Variants in NPHP1 observed in about 807,000 individuals in gnomAD.
The protein encoded by NPHP1 is nephrocystin 1, also known as nephrocystin-1.
NPHP1 carries 70 observed loss-of-function variants against 90.4 expected under a neutral mutation model. The observed-to-expected ratio is 0.77, with a 90% CI of 0.64 to 0.95. NPHP1 has a LOEUF of 0.95. Among genes scored for constraint, NPHP1 ranks in the 40% least tolerant of loss-of-function variants. The pLI, the probability that NPHP1 is intolerant of heterozygous loss-of-function variation, is 0.00. For synonymous variants in NPHP1, 256 were observed against 271.7 expected, an observed-to-expected ratio of 0.94 and a Z score of 0.57; for missense variants, 764 against 795.9, an observed-to-expected ratio of 0.96 and a Z score of 0.48.
At chr2:110,140,799 G>A (rs1016076771) in intron 16 of NPHP1, among the ~76,000 whole-genome samples, 4 of 152,052 alleles carry the variant, frequency 2.6e-5, no homozygotes, top group Admixed American at 2.6e-4. Context: ...GAACATCCAA[G>A]GGGGAAAAAA....
chr2:110,138,476 T>C (rs1680378197), intron 16 of NPHP1, among the ~76,000 whole-genome samples: 1 of 152,116 alleles, frequency 6.6e-6, no homozygotes, highest in Admixed American at 6.5e-5. Flanking sequence ...TTTTAAACTG[T>C]CTTTTTTCAA....
At chr2:110,129,339 G>C in intron 17 of NPHP1, 80 bp from the exon 18 acceptor site, 1 of 1,033,364 alleles carries the variant, frequency 9.7e-7, no homozygotes, top group Non-Finnish European at 1.5e-6. Flanking sequence ...AAAATATTCA[G>C]ATGAAAATTA....
At chr2:110,160,334 G>T in intron 10 of NPHP1, 79 bp from the exon 11 acceptor site, 1 of 1,173,666 alleles carries the variant, frequency 8.5e-7, no homozygotes, top group Non-Finnish European at 1.2e-6. Flanking sequence ...TTCGGCTTAT[G>T]AAAATGTATA....
At chr2:110,179,149 GAA>G (rs5833368) in intron 3 of NPHP1, among the ~76,000 whole-genome samples, 2 of 139,840 alleles carry the variant, frequency 1.4e-5, no homozygotes, top group Non-Finnish European at 1.6e-5. Context: ...AGGCTCATGT[GAA>G]AAAAAAAAAA....
chr2:110,193,472 A>T (rs894630256), intron 2 of NPHP1, among the ~76,000 whole-genome samples: 2 of 152,148 alleles, frequency 1.3e-5, no homozygotes, highest in Non-Finnish European at 2.9e-5. Context: ...CTAAATATAT[A>T]TGCACCCAAT....
intron 11 of NPHP1, among the ~76,000 whole-genome samples, chr2:110,152,198 T>C (rs1044627576): frequency 5.9e-5 from 9 of 152,080 alleles, no homozygotes; most frequent in African/African-American, 2.2e-4. Context: ...CTCGTGCCTG[T>C]AGTCTAACTA....
At chr2:110,150,026 A>G (rs755804569) in intron 12 of NPHP1, among the ~76,000 whole-genome samples, 156 bp downstream of exon 12, 8 of 152,210 alleles carry the variant, frequency 5.3e-5, no homozygotes, top group Non-Finnish European at 1.0e-4. Flanking sequence ...AACATTGGTG[A>G]GTCAGAAACA....
At chr2:110,131,094 A>ATT (rs1360831842) in intron 17 of NPHP1, among the ~76,000 whole-genome samples, 1 of 152,178 alleles carries the variant, frequency 6.6e-6, no homozygotes, top group African/African-American at 2.4e-5. Context: ...TTTGAAGGCA[A>ATT]TTACTATAAC....
intron 10 of NPHP1, 101 bp downstream of exon 10, chr2:110,161,502 G>GT: frequency 1.3e-6 from 1 of 791,320 alleles, no homozygotes; most frequent in Non-Finnish European, 2.1e-6. Context: ...CAATTTTTTT[G>GT]TTTTTTATAA....
rs140816414 is a variant in NPHP1, at chr2:110,162,128, C to T, written c.860-431G>A. Among the ~76,000 whole-genome samples, 136 of 152,180 alleles carry T rather than the reference C, an allele frequency of 8.9e-4. 1 individual carries two copies. The East Asian group carries it at 0.014, about 16-fold the overall frequency. On this transcript the variant is annotated intron_variant, in intron 9 of 19. Coordinates refer to ENST00000445609, the MANE Select transcript of NPHP1 (RefSeq NM_001128178.3). ...CTTTTAATAACATCATTTATCCATT[C>T]GAGAAATAATTTTTGAGCTTCTACT...
chr2:110,159,637 G>T (rs112097279), intron 11 of NPHP1, among the ~76,000 whole-genome samples: 1 of 151,948 alleles, frequency 6.6e-6, no homozygotes, highest in African/African-American at 2.4e-5. Context: ...CTATTTCCAT[G>T]TCAGATGTTA....
At position 110,144,523 on chromosome 2, in the gene NPHP1, T is replaced by A. The variant is rs760440272; in HGVS notation, c.1399A>T (p.Ile467Phe). The A allele has an allele frequency of 6.2e-7, 1 of 1,607,204 alleles. No individual in the cohort carries two copies. Among genetic ancestry groups the A allele is most frequent in the Non-Finnish European group, 8.5e-7 (1 of 1,173,858 alleles). ...CTGGATATTGAAGGGTCCACTTCAA[T>A]ACCTTTTTCATAAGGAGTACCACCA... ...LNGGTPYEKG[I>F]EVDPSISRRA... Residue 467 changes from isoleucine to phenylalanine, a missense_variant, in exon 15 of 20, where the codon ATT (isoleucine) becomes TTT (phenylalanine). Ile to Phe is a conservative substitution (Grantham distance 21). Coordinates refer to ENST00000445609, the MANE Select transcript of NPHP1 (RefSeq NM_001128178.3).
chr2:110,130,501 T>G (rs1010055996), intron 17 of NPHP1, among the ~76,000 whole-genome samples: 4 of 152,142 alleles, frequency 2.6e-5, no homozygotes, highest in African/African-American at 9.7e-5. Flanking sequence ...GTCCTCCCCC[T>G]TAGAGTTATA....
chr2:110,151,902 G>C lies in NPHP1; in HGVS notation c.1084-1646C>G, dbSNP rs115018607. On this transcript the variant is annotated intron_variant, in intron 11 of 19. Transcript: ENST00000445609. ...CCTCTGCTTTTATCTTTTCAATTTG[G>C]AGAATCCTAATTTTGAAGTTTGGAA... Among the ~76,000 whole-genome samples, 432 of 152,130 alleles carry C rather than the reference G, an allele frequency of 2.8e-3. 2 individuals carry two copies. Among genetic ancestry groups the C allele is most frequent in the African/African-American group, 9.9e-3 (409 of 41,516 alleles).
At chr2:110,149,394 A>T (rs1340796741) in intron 12 of NPHP1, among the ~76,000 whole-genome samples, 2 of 152,150 alleles carry the variant, frequency 1.3e-5, no homozygotes, top group East Asian at 3.9e-4. Context: ...GTACTGTGCC[A>T]AAAGAGAGGC....
intron 10 of NPHP1, 57 bp from the exon 11 acceptor site, chr2:110,160,312 G>C (rs1363883553): frequency 1.4e-6 from 2 of 1,396,894 alleles, no homozygotes; most frequent in Non-Finnish European, 2.0e-6. Flanking sequence ...ACACAAATCT[G>C]TCTTTTGTGA....
intron 16 of NPHP1, among the ~76,000 whole-genome samples, chr2:110,141,048 T>G (rs1208341016): frequency 6.6e-6 from 1 of 152,156 alleles, no homozygotes; most frequent in East Asian, 1.9e-4. Flanking sequence ...ACAGTTCAGC[T>G]GCAACAGTCT....
At chr2:110,166,796 G>A (rs948802555) in intron 6 of NPHP1, among the ~76,000 whole-genome samples, 13 of 152,056 alleles carry the variant, frequency 8.5e-5, no homozygotes, top group Non-Finnish European at 1.9e-4. Context: ...AGTGATTATA[G>A]GTTGGAAACA....
At chr2:110,204,373 C>G (rs1041551134) in intron 1 of NPHP1, among the ~76,000 whole-genome samples, 1 of 152,282 alleles carries the variant, frequency 6.6e-6, no homozygotes, top group Admixed American at 6.5e-5. Context: ...TTTCCTCTCT[C>G]GTTCACCTCC....
Sources: allele counts gnomAD v4.1 joint callset (sites outside exome capture counted in the v4.1 genomes callset), GRCh38; gene constraint gnomAD v4.1.1; transcripts MANE v1.5; gene names NCBI Gene and HGNC (gene_info 2026-07-23, HGNC 2026-07-21).